The following RNF207 variants were observed in gnomAD, a reference collection of about 807,000 sequenced individuals.
The protein encoded by RNF207 is OTTHUMG00000001089.
In RNF207, 72 loss-of-function variants were observed where a neutral mutation model predicts 79.0. That is an observed-to-expected ratio of 0.91 (90% CI 0.75 to 1.11). RNF207 has a LOEUF of 1.11. RNF207 is among the 50% of genes least tolerant of loss of function. RNF207 has a pLI of 0.00. For synonymous variants in RNF207, 348 were observed against 366.2 expected (o/e 0.95, Z 0.57); for missense variants, 936 against 855.8 (o/e 1.09, Z -1.17).
At chr1:6,208,814 G>C in intron 3 of RNF207, 67 bp from the exon 4 acceptor site, 2 of 1,458,652 alleles carry the variant, frequency 1.4e-6, no homozygotes, top group South Asian at 2.7e-5. Flanking sequence ...GTGACACGCG[G>C]CGGCTGCGGT....
At chr1:6,218,546 G>T (rs1481540605) in intron 17 of RNF207, among the ~76,000 whole-genome samples, 177 bp downstream of exon 17, 1 of 152,204 alleles carries the variant, frequency 6.6e-6, no homozygotes, top group African/African-American at 2.4e-5. Context: ...ACTTATAAGT[G>T]ACCTCATAGA....
rs1393985940 is a variant in RNF207 at position 6,213,095 on chromosome 1, C to G, written c.1564C>G (p.Gln522Glu). 1.2e-6 allele frequency: 2 copies of G among 1,613,388 alleles called. No individual in the cohort carries two copies. The highest frequency in any genetic ancestry group is 4.5e-5 in the East Asian group (2 of 44,842). ...AQLHDLLQLR[Q>E]ENAYLTTITK... Reference sequence around the variant, plus strand: ...GCTCCATGACCTTCTCCAGCTGAGGCAGGAGAATGCCTACCTGACCACCAT... The same window carrying G: ...GCTCCATGACCTTCTCCAGCTGAGGGAGGAGAATGCCTACCTGACCACCAT... Residue 522 changes from glutamine to glutamate, a missense_variant, in exon 16 of 18, where the codon CAG becomes GAG. Transcript: ENST00000377939.
At position 6,209,946 on chromosome 1, in the gene RNF207, C is replaced by CGCT. The variant is rs1668089075; in HGVS notation, c.785_787dup (p.Leu262dup). On this transcript the variant is annotated inframe_insertion, in exon 8 of 18. Coordinates refer to ENST00000377939, the MANE Select transcript of RNF207 (RefSeq NM_207396.3). ...CAGGACAGGCTGGCAGAGAGGAAAG[C>CGCT]GCTGCTGCTGCAGGCTGTGCAGAGG... 3 of 1,591,738 alleles carry CGCT rather than the reference C, an allele frequency of 1.9e-6. No homozygotes were observed. Among genetic ancestry groups the CGCT allele is most frequent in the Non-Finnish European group, 1.7e-6 (2 of 1,168,962 alleles).
rs559985079 is a variant in RNF207, at chr1:6,211,439, C to CCG, written c.1109+323_1109+324dup. On this transcript the variant is annotated intron_variant, in intron 12 of 17. Coordinates refer to ENST00000377939, the MANE Select transcript of RNF207 (RefSeq NM_207396.3). This position sits in a 1 kb window ranked among gnomAD's most constrained non-coding sequence, Gnocchi z 4.2. ...GGTGGGGCGCCTGGGGCTGGGCTGA[C>CCG]CGCCACCTAGGTGGCCTGAGGTCAT... Among the ~76,000 whole-genome samples, 17 of 152,278 alleles carry CCG rather than the reference C, an allele frequency of 1.1e-4. No individual in the cohort carries two copies. The highest frequency in any genetic ancestry group is 3.8e-4 in the African/African-American group (16 of 41,564).
chr1:6,218,816 A>ACATAGTCAC (rs1340106568), intron 17 of RNF207, among the ~76,000 whole-genome samples: 2 of 152,154 alleles, frequency 1.3e-5, no homozygotes, highest in Non-Finnish European at 2.9e-5. Context: ...TTTCAGGAAA[A>ACATAGTCAC]CATAGTCACA....
intron 5 of RNF207, 32 bp downstream of exon 5, chr1:6,209,228 G>T (rs1668048578): frequency 3.9e-6 from 6 of 1,549,892 alleles, no homozygotes; most frequent in Non-Finnish European, 5.2e-6. Context: ...GGAGGGGGCT[G>T]GGGGCCGCTG....
rs144139448 is a variant in RNF207 at position 6,214,630 on chromosome 1, C to CTTTTTTTTTTTT, written c.1652+1459_1652+1470dup. 6.4e-4 allele frequency among the ~76,000 whole-genome samples: 45 copies of CTTTTTTTTTTTT among 70,652 alleles called. 6 individuals carry two copies. The highest frequency in any genetic ancestry group is 2.6e-3 in the African/African-American group (38 of 14,642). The allele number at this position is 70,652 out of a possible 152,430, so 46.4% of individuals were successfully genotyped here. ...GTTGGCCAGGCTGGAATATTTCTTT[C>CTTTTTTTTTTTT]TTTTTTTTTTTTTTTTTTTTTTTGA... is the stretch of plus-strand genomic sequence containing the variant. On this transcript the variant is annotated intron_variant, in intron 16 of 17. Coordinates refer to ENST00000377939, the MANE Select transcript of RNF207 (RefSeq NM_207396.3).
At chr1:6,213,902 G>A (rs899675318) in intron 16 of RNF207, among the ~76,000 whole-genome samples, 7 of 152,216 alleles carry the variant, frequency 4.6e-5, no homozygotes, top group Non-Finnish European at 8.8e-5. Flanking sequence ...TGGGCCCCAG[G>A]ATAGACTGGT....
chr1:6,206,354 G>A (rs535295651), intron 1 of RNF207, 52 bp downstream of exon 1: 39 of 578,586 alleles, frequency 6.7e-5, no homozygotes, highest in Admixed American at 3.8e-4. Context: ...TTCTCCCTGC[G>A]CCGGGGAGCT....
At chr1:6,215,109 A>G (rs913203419) in intron 16 of RNF207, among the ~76,000 whole-genome samples, 15 of 146,264 alleles carry the variant, frequency 1.0e-4, no homozygotes, top group African/African-American at 3.8e-4. Flanking sequence ...GCTAACCACA[A>G]CCTCCGCCTA....
At chr1:6,209,867 G>T in intron 7 of RNF207, 57 bp from the exon 8 acceptor site, 1 of 1,534,000 alleles carries the variant, frequency 6.5e-7, no homozygotes, top group South Asian at 1.2e-5. Flanking sequence ...GGGTAGGCAT[G>T]GTGGGAGGTG....
At position 6,219,441 on chromosome 1, in the gene RNF207, G is replaced by C. The variant is rs747441842; in HGVS notation, c.*34G>C. On this transcript the variant is annotated 3_prime_UTR_variant, in exon 18 of 18. Transcript: ENST00000377939. ...ACCGGTCCCCAGGGTCAGGCTCTTA[G>C]AGCAGGCACAAGACTGGGACACTGG... The C allele has an allele frequency of 1.3e-6, 2 of 1,525,332 alleles. No homozygotes were observed. The highest frequency in any genetic ancestry group is 4.8e-4 in the Middle Eastern group (2 of 4,130). 94.5% of individuals were successfully genotyped at this position (1,525,332 alleles called of 1,614,324 possible). A position where few individuals can be genotyped will look rare whatever the true frequency, so the allele number is the denominator to read the frequency against.
At position 6,211,718 on chromosome 1, in the gene RNF207, A is replaced by C. The variant is rs770427139; in HGVS notation, c.1110-149A>C. 1.9e-4 allele frequency: 117 copies of C among 611,942 alleles called. No individual in the cohort carries two copies. Among genetic ancestry groups the C allele is most frequent in the Non-Finnish European group, 3.0e-4 (103 of 345,906 alleles). 37.9% of individuals were successfully genotyped at this position (611,942 alleles called of 1,614,324 possible). On this transcript the variant is annotated intron_variant, in intron 12 of 17. Coordinates refer to ENST00000377939, the MANE Select transcript of RNF207 (RefSeq NM_207396.3). This position sits in a 1 kb window ranked among gnomAD's most constrained non-coding sequence, Gnocchi z 4.2. ...GGATGTCCGGGTGAGGCCTTGCCTC[A>C]GCCTTTTCAAATCTCCTGGTGGCTC...
chr1:6,207,398 G>A lies in RNF207; in HGVS notation c.211G>A (p.Gly71Ser), dbSNP rs942018983. ...PLCQHQTVLK[G>S]PSGLPPVDRL... The stretch of plus-strand genomic sequence containing the variant: ...CTGCAGACACCAGACGGTGCTGAAG[G>A]GTCCCAGCGGGCTCCCGCCGGTGGA... Residue 71 changes from glycine to serine, a missense_variant, in exon 3 of 18, where the codon GGT (glycine) becomes AGT (serine). By Grantham distance (56) the Gly-to-Ser change is moderately conservative. Coordinates refer to ENST00000377939, the MANE Select transcript of RNF207 (RefSeq NM_207396.3). This position sits in a 1 kb window ranked among gnomAD's most constrained non-coding sequence, Gnocchi z 4.5. 1 of 1,539,322 alleles carries A rather than the reference G, an allele frequency of 6.5e-7. No individual in the cohort carries two copies. Among genetic ancestry groups the A allele is most frequent in the Non-Finnish European group, 8.8e-7 (1 of 1,142,002 alleles).
intron 10 of RNF207, 192 bp downstream of exon 10, chr1:6,210,630 G>T (rs1221059240): frequency 1.4e-5 from 9 of 626,936 alleles, no homozygotes; most frequent in Non-Finnish European, 2.5e-5. Context: ...AAGCCAGGAA[G>T]GGGGCATGAG....
Position 6,219,323 on chromosome 1 carries a change from G to T in RNF207, c.1821G>T (p.Glu607Asp). Residue 607 changes from glutamate to aspartate, a missense_variant, in exon 18 of 18, where the codon GAG becomes GAT. Physicochemically the swap from Glu to Asp is conservative, Grantham distance 45. Transcript: ENST00000377939. Reference sequence around the variant, plus strand: ...GGGCTCCGAACGGCCTCTCAGAAGAGCCTCTACTGAAAAATATGGATCATC... The same window carrying T: ...GGGCTCCGAACGGCCTCTCAGAAGATCCTCTACTGAAAAATATGGATCATC... ...NSWAPNGLSE[E>D]PLLKNMDHHR... is the part of the protein sequence containing the mutation. The T allele has an allele frequency of 6.2e-7, 1 of 1,613,552 alleles. No individual in the cohort carries two copies.
intron 17 of RNF207, among the ~76,000 whole-genome samples, chr1:6,218,735 A>T (rs930692880): frequency 6.6e-6 from 1 of 152,216 alleles, no homozygotes; most frequent in South Asian, 2.1e-4. Flanking sequence ...GCGCCCCAGT[A>T]CCTGCCAGAG....
Position 6,206,553 on chromosome 1 carries a change from C to T in RNF207, c.18C>T (p.Phe6=). 6 of 1,587,012 alleles carry T rather than the reference C, an allele frequency of 3.8e-6. No homozygotes were observed. The highest frequency in any genetic ancestry group is 5.1e-6 in the Non-Finnish European group (6 of 1,174,164). The change falls in exon 2 of 18, where the codon TTC becomes TTT. Residue 6 remains phenylalanine, a synonymous_variant. Coordinates refer to ENST00000377939, the MANE Select transcript of RNF207 (RefSeq NM_207396.3). ...CGCTGCAGATGTCGGGAGCTATCTT[C>T]GGGCCCCTGGAGGGCCCGAGCTCCC... MSGAI[F]GPLEGPSSLD... is the part of the protein sequence containing the mutation.
rs1668524305 is a variant in RNF207, at chr1:6,220,845, G to A, written c.*1438G>A. ...TTACAAGTTTTTGTGGCAAAATGAT[G>A]CCCAGATAGTCACATTTAAGCAAAT... On this transcript the variant is annotated 3_prime_UTR_variant, in exon 18 of 18. Coordinates refer to ENST00000377939, the MANE Select transcript of RNF207 (RefSeq NM_207396.3). 6.6e-6 allele frequency: 1 copy of A among 152,130 alleles called. No individual in the cohort carries two copies. The highest frequency in any genetic ancestry group is 1.5e-5 in the Non-Finnish European group (1 of 68,036). 9.4% of individuals were successfully genotyped at this position (152,130 alleles called of 1,614,324 possible).
Sources: gnomAD v4.1 joint callset for allele counts (sites outside exome capture counted in the v4.1 genomes callset) on GRCh38, gnomAD v4.1.1 for gene constraint, Gnocchi (gnomAD v3.1) non-coding constraint, MANE v1.5 for transcripts, NCBI Gene and HGNC (gene_info 2026-07-23, HGNC 2026-07-21) for gene names.